PKD2L2: variants seen among roughly 807,000 people sequenced by gnomAD.
The protein encoded by PKD2L2 is polycystin 2 like 2, transient receptor potential cation channel.
PKD2L2 carries 67 observed loss-of-function variants against 83.9 expected under a neutral mutation model. That is an observed-to-expected ratio of 0.80 (90% confidence interval 0.66 to 0.98). PKD2L2 has a LOEUF of 0.98. Ranked by LOEUF, PKD2L2 falls within the 50% of genes least tolerant of loss-of-function variation. The probability of loss-of-function intolerance (pLI) is 0.00; values close to 1 mark genes in which losing one functional copy is unlikely to be tolerated. For synonymous variants in PKD2L2, 223 were observed against 237.8 expected (o/e 0.94, Z 0.57); for missense variants, 632 against 717.2 (o/e 0.88, Z 1.36).
At position 137,892,514 on chromosome 5, in the gene PKD2L2, C is replaced by T; in HGVS notation, c.168C>T (p.Tyr56=). 1.3e-6 allele frequency: 2 copies of T among 1,598,526 alleles called. No homozygotes were observed. The highest frequency in any genetic ancestry group is 1.7e-6 in the Non-Finnish European group (2 of 1,169,636). ...TFGMVNPHMY[Y]LNKVMSSLFL... is the part of the protein sequence containing the mutation. ...GGATGGTAAACCCACATATGTATTACTTAAACAAGGTTATGTCATCTCTAT... is the reference window on the plus strand; with the variant it reads ...GGATGGTAAACCCACATATGTATTATTTAAACAAGGTTATGTCATCTCTAT... Residue 56 remains tyrosine (Y), a synonymous_variant, in exon 3 of 15, where the codon TAC becomes TAT. Transcript: ENST00000508883.
At chr5:137,917,160 TTC>T (rs1023356537) in intron 8 of PKD2L2, among the ~76,000 whole-genome samples, 2 of 93,842 alleles carry the variant, frequency 2.1e-5, no homozygotes, top group African/African-American at 7.2e-5. Context: ...CTGTTCACTT[TTC>T]TTTTTTTTTT....
At chr5:137,923,349 A>G (rs1759096532) in intron 9 of PKD2L2, 71 bp from the exon 10 acceptor site, 11 of 798,690 alleles carry the variant, frequency 1.4e-5, no homozygotes, top group Non-Finnish European at 1.7e-5. Context: ...TTACAAACCC[A>G]AAACTTGTTA....
chr5:137,922,161 C>A (rs1034397320), intron 9 of PKD2L2, among the ~76,000 whole-genome samples: 2 of 152,220 alleles, frequency 1.3e-5, no homozygotes, highest in Admixed American at 1.3e-4. Flanking sequence ...CTCTCACATG[C>A]ACTCAGAACA....
At chr5:137,895,161 T>G (rs1257634286) in intron 4 of PKD2L2, among the ~76,000 whole-genome samples, 1 of 150,828 alleles carries the variant, frequency 6.6e-6, no homozygotes, top group Non-Finnish European at 1.5e-5. Flanking sequence ...TGTAGACTCG[T>G]GTACACTTTA....
In PKD2L2 at chr5:137,917,291, A is replaced by C. The variant is rs1046333172; in HGVS notation, c.1329-4345A>C. ...GCAATTCTCCTGTCTCAGTCTCCTGAGTAGCTGGGAATACAGGCATGTGCC... is the reference window on the plus strand; with the variant it reads ...GCAATTCTCCTGTCTCAGTCTCCTGCGTAGCTGGGAATACAGGCATGTGCC... On this transcript the variant is annotated intron_variant, in intron 8 of 14. Coordinates refer to ENST00000508883, the MANE Select transcript of PKD2L2 (RefSeq NM_001300921.2). Among the ~76,000 whole-genome samples, 4 of 150,854 alleles carry C rather than the reference A, an allele frequency of 2.7e-5. No individual in the cohort carries two copies. In the East Asian group the frequency reaches 7.9e-4, roughly 30 times the overall value.
chr5:137,911,579 GAT>G (rs1180772294), intron 8 of PKD2L2, among the ~76,000 whole-genome samples: 1 of 152,112 alleles, frequency 6.6e-6, no homozygotes, highest in Non-Finnish European at 1.5e-5. Context: ...TATATGGTGT[GAT>G]GTTTTGATAC....
chr5:137,910,791 AAAAC>A lies in PKD2L2; in HGVS notation c.1328+1849_1328+1852del, dbSNP rs1203006202. 4.6e-3 allele frequency among the ~76,000 whole-genome samples: 304 copies of A among 66,170 alleles called. 2 individuals are homozygous for A. Among genetic ancestry groups the A allele is most frequent in the African/African-American group, 0.012 (286 of 24,062 alleles). The allele number at this position is 66,170 out of a possible 152,430, so 43.4% of individuals were successfully genotyped here. On this transcript the variant is annotated intron_variant, in intron 8 of 14. Transcript: ENST00000508883. ...GAGACTCTGTCTCAAAAAAAAAAGA[AAAAC>A]AAAAAAAAAAAGCTGGATGACATAG...
intron 4 of PKD2L2, among the ~76,000 whole-genome samples, chr5:137,897,029 T>C (rs1458048690): frequency 1.0e-5 from 1 of 100,488 alleles, no homozygotes; most frequent in Non-Finnish European, 2.0e-5. Context: ...GATGATACAT[T>C]ATTATATTAT....
In PKD2L2 at chr5:137,912,739, C is replaced by T. The variant is rs570246764; in HGVS notation, c.1328+3793C>T. Among the ~76,000 whole-genome samples the T allele has an allele frequency of 2.2e-3, 325 of 146,564 alleles. 4 individuals are homozygous for T. Among genetic ancestry groups the T allele is most frequent in the African/African-American group, 7.7e-3 (307 of 39,760 alleles). ...TATCTATTGGCCATTTGTGTGTCTT[C>T]TTTTGAGAAATGTCTATTCAGGTCC... On this transcript the variant is annotated intron_variant, in intron 8 of 14. Transcript: ENST00000508883.
rs1012184166 is a variant in PKD2L2 at position 137,916,936 on chromosome 5, A to G, written c.1329-4700A>G. Among the ~76,000 whole-genome samples, 4 of 152,148 alleles carry G rather than the reference A, an allele frequency of 2.6e-5. No individual in the cohort carries two copies. In the East Asian group the frequency reaches 7.7e-4, roughly 29 times the overall value. On this transcript the variant is annotated intron_variant, in intron 8 of 14. Coordinates refer to ENST00000508883, the MANE Select transcript of PKD2L2 (RefSeq NM_001300921.2). The stretch of plus-strand genomic sequence containing the variant: ...TCTTTGGCTTTTGAGTTTGACTATA[A>G]TGTGTTTTGGTGTGGCTGTCTTTGA...
chr5:137,929,534 C>CAAAAAAAAAAAAAAAAAAAAAA (rs756601170), intron 12 of PKD2L2, among the ~76,000 whole-genome samples: 1 of 3,438 alleles, frequency 2.9e-4, no homozygotes, highest in Non-Finnish European at 4.8e-4. Context: ...ACAAAATTGC[C>CAAAAAAAAAAAAAAAAAAAAAA]AAAAAAAAAA....
At chr5:137,919,739 C>A (rs1038441900) in intron 8 of PKD2L2, among the ~76,000 whole-genome samples, 6 of 152,080 alleles carry the variant, frequency 3.9e-5, no homozygotes, top group Admixed American at 1.3e-4. Flanking sequence ...AGCTAGGTAC[C>A]GTGGATGGAA....
At chr5:137,898,169 G>A (rs773433149) in intron 4 of PKD2L2, among the ~76,000 whole-genome samples, 1 of 152,022 alleles carries the variant, frequency 6.6e-6, no homozygotes, top group Non-Finnish European at 1.5e-5. Context: ...GTTTCACCAT[G>A]TTGGCCAGGC....
chr5:137,925,621 G>A (rs980102717), intron 11 of PKD2L2, among the ~76,000 whole-genome samples: 1 of 152,164 alleles, frequency 6.6e-6, no homozygotes, highest in African/African-American at 2.4e-5. Context: ...ATTTACACTT[G>A]TATTTATTAA....
intron 6 of PKD2L2, among the ~76,000 whole-genome samples, chr5:137,906,896 G>A (rs1318107797): frequency 6.6e-6 from 1 of 152,140 alleles, no homozygotes; most frequent in Non-Finnish European, 1.5e-5. Context: ...AGCCAGAGGA[G>A]ACCTTATGAG....
chr5:137,940,377 T>C, intron 14 of PKD2L2: 1 of 1,528,648 alleles, frequency 6.5e-7, no homozygotes, highest in South Asian at 1.2e-5. Context: ...TTTGTAATGT[T>C]CTAGAGATCA....
intron 5 of PKD2L2, among the ~76,000 whole-genome samples, chr5:137,903,673 A>G (rs138931651): frequency 2.2e-3 from 339 of 152,324 alleles, no homozygotes; most frequent in African/African-American, 7.8e-3. Context: ...TGTAATCTAC[A>G]TGTTCCTAAA....
At chr5:137,932,393 G>A (rs573802290) in intron 12 of PKD2L2, among the ~76,000 whole-genome samples, 13 of 151,224 alleles carry the variant, frequency 8.6e-5, no homozygotes, top group African/African-American at 2.7e-4. Context: ...ATGAGAAAAC[G>A]TACTACATCT....
chr5:137,931,240 C>T (rs1759849815), intron 12 of PKD2L2, among the ~76,000 whole-genome samples: 1 of 152,178 alleles, frequency 6.6e-6, no homozygotes, highest in Admixed American at 6.5e-5. Context: ...ATCAGACGGT[C>T]TTCACAAGGA....
Sources: gnomAD v4.1 joint callset for allele counts (sites outside exome capture counted in the v4.1 genomes callset) on GRCh38, gnomAD v4.1.1 for gene constraint, MANE v1.5 for transcripts, NCBI Gene and HGNC (gene_info 2026-07-23, HGNC 2026-07-21) for gene names.